Variants in FARS2 observed in about 807,000 individuals in gnomAD.
The protein encoded by FARS2 is phenylalanine--tRNA ligase, mitochondrial.
Under a neutral mutation model 46.4 loss-of-function variants are expected in FARS2, and 40 were observed. The ratio of observed to expected loss-of-function variants is 0.86; its 90% confidence interval spans 0.67 to 1.12. The LOEUF (loss-of-function observed/expected upper bound fraction) is 1.12. FARS2 is among the 50% of genes most tolerant of loss of function. The pLI, the probability that FARS2 is intolerant of heterozygous loss-of-function variation, is 0.00. For missense variants in FARS2, 513 were observed against 567.9 expected (o/e 0.90, Z 0.98); for synonymous variants, 234 against 214.9 (o/e 1.09, Z -0.78).
chr6:5,634,793 T>C (rs1776463825), intron 6 of FARS2, among the ~76,000 whole-genome samples: 1 of 152,200 alleles, frequency 6.6e-6, no homozygotes, highest in Non-Finnish European at 1.5e-5. Flanking sequence ...CAGAAGTAAC[T>C]GGAATGCAAA....
Position 5,361,402 on chromosome 6 carries a change from A to G in FARS2, c.-21-7148A>G, listed in dbSNP as rs374270234. On this transcript the variant is annotated intron_variant, in intron 1 of 6. Transcript: ENST00000274680. ...GTGTTTAACTTCTGTCTTCATTTAC[A>G]TTATTTCCTTGTGATAGATTCCCAG... is the stretch of plus-strand genomic sequence containing the variant. Among the ~76,000 whole-genome samples, 18 of 152,274 alleles carry G rather than the reference A, an allele frequency of 1.2e-4. 1 individual carries two copies. Among genetic ancestry groups the G allele is most frequent in the African/African-American group, 3.8e-4 (16 of 41,572 alleles).
chr6:5,289,463 T>G (rs113926431), intron 1 of FARS2, among the ~76,000 whole-genome samples: 12,582 of 152,280 alleles, frequency 0.083, 878 homozygotes, highest in African/African-American at 0.19. Flanking sequence ...TTACAGAATT[T>G]TCTGGGGTTT....
chr6:5,700,823 T>G (rs1582794725), intron 6 of FARS2, among the ~76,000 whole-genome samples: 1 of 152,198 alleles, frequency 6.6e-6, no homozygotes. Context: ...GTTGCACACG[T>G]GGGCCGCGCT....
chr6:5,344,794 T>C (rs1406789492), intron 1 of FARS2, among the ~76,000 whole-genome samples: 2 of 146,922 alleles, frequency 1.4e-5, no homozygotes, highest in Admixed American at 6.8e-5. Context: ...TCTTTTCTCT[T>C]TTTTTTTTTT....
At chr6:5,604,690 C>T (rs1488183731) in intron 5 of FARS2, among the ~76,000 whole-genome samples, 1 of 152,258 alleles carries the variant, frequency 6.6e-6, no homozygotes, top group East Asian at 1.9e-4. Flanking sequence ...ATGATTTTAT[C>T]ATAAAGTATA....
At chr6:5,418,977 C>T (rs1282285008) in intron 3 of FARS2, among the ~76,000 whole-genome samples, 3 of 151,954 alleles carry the variant, frequency 2.0e-5, no homozygotes, top group East Asian at 1.9e-4. Flanking sequence ...TCATTTGAAT[C>T]GTTTGGCTAC....
At chr6:5,634,589 C>A (rs1306213838) in intron 6 of FARS2, among the ~76,000 whole-genome samples, 1 of 152,210 alleles carries the variant, frequency 6.6e-6, no homozygotes, top group Admixed American at 6.5e-5. Flanking sequence ...CTCCCAAAGG[C>A]ATGAGCCACA....
chr6:5,497,175 C>T (rs983684703), intron 4 of FARS2, among the ~76,000 whole-genome samples: 11 of 152,060 alleles, frequency 7.2e-5, no homozygotes, highest in African/African-American at 2.4e-4. Context: ...ATGGTAGCAT[C>T]GTTATCATTA....
chr6:5,314,173 C>CT (rs1227782726), intron 1 of FARS2, among the ~76,000 whole-genome samples: 6 of 152,252 alleles, frequency 3.9e-5, no homozygotes, highest in African/African-American at 7.2e-5. Flanking sequence ...ATCGAGGAGT[C>CT]TAAGACTGGA....
intron 4 of FARS2, among the ~76,000 whole-genome samples, chr6:5,512,486 G>C (rs956368487): frequency 6.6e-6 from 1 of 151,840 alleles, no homozygotes; most frequent in African/African-American, 2.4e-5. Flanking sequence ...AAGGCTTTTG[G>C]GTGTCTTTAT....
chr6:5,261,125 C>G (rs1343646811), upstream of FARS2: 1 of 206,216 alleles, frequency 4.8e-6, no homozygotes, highest in Non-Finnish European at 8.8e-6. Context: ...ATCGGAGGCC[C>G]AGGCATTCGA....
At chr6:5,611,284 G>A (rs1164676991) in intron 5 of FARS2, among the ~76,000 whole-genome samples, 1 of 152,296 alleles carries the variant, frequency 6.6e-6, no homozygotes, top group East Asian at 1.9e-4. Flanking sequence ...TTTATATGGA[G>A]AAAGCCACTT....
intron 5 of FARS2, among the ~76,000 whole-genome samples, chr6:5,546,362 T>C (rs1029027628): frequency 2.7e-5 from 4 of 150,842 alleles, no homozygotes; most frequent in Admixed American, 6.6e-5. Context: ...GCAATTCTCC[T>C]GCCTCAGCCT....
intron 5 of FARS2, among the ~76,000 whole-genome samples, chr6:5,585,614 C>T (rs973311639): frequency 6.6e-6 from 1 of 151,914 alleles, no homozygotes; most frequent in African/African-American, 2.4e-5. Context: ...GTAATGTCTT[C>T]CAAGTTCATC....
chr6:5,398,599 G>T (rs371495753), intron 2 of FARS2, among the ~76,000 whole-genome samples: 1 of 152,230 alleles, frequency 6.6e-6, no homozygotes, highest in Admixed American at 6.5e-5. Flanking sequence ...GTATTTAGAA[G>T]CCTAGACCTG....
chr6:5,474,600 G>A (rs979013930), intron 4 of FARS2, among the ~76,000 whole-genome samples: 5 of 151,642 alleles, frequency 3.3e-5, no homozygotes, highest in Admixed American at 6.6e-5. Flanking sequence ...GTAATGTGAC[G>A]GTACATTTTT....
At chr6:5,768,071 C>T (rs963809211) in intron 6 of FARS2, among the ~76,000 whole-genome samples, 65 of 152,234 alleles carry the variant, frequency 4.3e-4, no homozygotes, top group Admixed American at 4.2e-3. Context: ...TTGCCAGCTC[C>T]ATTCTTTCAG....
intron 1 of FARS2, among the ~76,000 whole-genome samples, chr6:5,337,797 G>A (rs140613379): frequency 1.1e-3 from 160 of 152,196 alleles, no homozygotes; most frequent in East Asian, 6.8e-3. Context: ...ATGTTCTTAC[G>A]TTGGCTAAAA....
chr6:5,733,971 G>GGT (rs1760795800), intron 6 of FARS2, among the ~76,000 whole-genome samples: 1 of 152,192 alleles, frequency 6.6e-6, no homozygotes, highest in African/African-American at 2.4e-5. Flanking sequence ...TCTAGTGCAT[G>GGT]GTAAGTCCAC....
Sources: allele counts gnomAD v4.1 joint callset (sites outside exome capture counted in the v4.1 genomes callset), GRCh38; gene constraint gnomAD v4.1.1; transcripts MANE v1.5; gene names NCBI Gene and HGNC (gene_info 2026-07-23, HGNC 2026-07-21).